The following CFAP299 variants were observed in gnomAD, a reference collection of about 807,000 sequenced individuals.
The protein encoded by CFAP299 is cilia- and flagella-associated protein 299.
Under a neutral mutation model 27.0 loss-of-function variants are expected in CFAP299, and 21 were observed. That is an observed-to-expected ratio of 0.78 (90% CI 0.55 to 1.12). The LOEUF is 1.12. Ranked by LOEUF, CFAP299 falls within the 50% of genes most tolerant of loss-of-function variation. The pLI, the probability that CFAP299 is intolerant of heterozygous loss-of-function variation, is 0.00. For missense variants in CFAP299, 310 were observed against 276.6 expected (o/e 1.12, Z -0.86); for synonymous variants, 104 against 98.1 (o/e 1.06, Z -0.36).
intron 2 of CFAP299, chr4:80,388,468 C>T (rs944712945): frequency 2.8e-6 from 3 of 1,075,054 alleles, no homozygotes; most frequent in Admixed American, 1.8e-5. Flanking sequence ...AGACTGTGTC[C>T]AGGTCGGGGG....
chr4:80,511,817 A>G (rs893138703), intron 2 of CFAP299, among the ~76,000 whole-genome samples: 4 of 152,152 alleles, frequency 2.6e-5, no homozygotes, highest in Non-Finnish European at 5.9e-5. Flanking sequence ...CAAACCAAGC[A>G]TAAAATAACA....
At chr4:80,395,935 G>C (rs1368418166) in intron 2 of CFAP299, among the ~76,000 whole-genome samples, 2 of 152,014 alleles carry the variant, frequency 1.3e-5, no homozygotes, top group Non-Finnish European at 2.9e-5. Flanking sequence ...CCTAAAAAAA[G>C]GTTTATTTTC....
intron 3 of CFAP299, among the ~76,000 whole-genome samples, chr4:80,775,899 A>C (rs1244869483): frequency 6.6e-6 from 1 of 152,182 alleles, no homozygotes; most frequent in Non-Finnish European, 1.5e-5. Context: ...GAACCAACTG[A>C]ATCAACAAAA....
chr4:80,390,362 A>G (rs1725259223), intron 2 of CFAP299, among the ~76,000 whole-genome samples: 1 of 151,740 alleles, frequency 6.6e-6, no homozygotes, highest in African/African-American at 2.4e-5. Context: ...AAGTGAGATC[A>G]AACAGTATTT....
At chr4:80,698,868 C>A (rs1280169963) in intron 3 of CFAP299, among the ~76,000 whole-genome samples, 1 of 152,068 alleles carries the variant, frequency 6.6e-6, no homozygotes, top group Non-Finnish European at 1.5e-5. Context: ...ATGGGGAAAA[C>A]CACCCCTATG....
chr4:80,843,128 C>G (rs1039466203), intron 3 of CFAP299, among the ~76,000 whole-genome samples: 1 of 151,528 alleles, frequency 6.6e-6, no homozygotes, highest in African/African-American at 2.4e-5. Context: ...ATGTGCACAA[C>G]GTGCAGGTTT....
At position 80,643,435 on chromosome 4, in the gene CFAP299, C is replaced by G. The variant is rs564488244; in HGVS notation, c.333+60252C>G. ...CTATAAAGGATTGTGGATAAATGGG[C>G]CAGTGGATCAAGAGGAAATGGGATT... On this transcript the variant is annotated intron_variant, in intron 3 of 5. Coordinates refer to ENST00000358105, the MANE Select transcript of CFAP299 (RefSeq NM_152770.3). Among the ~76,000 whole-genome samples the G allele has an allele frequency of 3.9e-5, 6 of 152,042 alleles. 1 individual carries two copies. Among genetic ancestry groups the G allele is most frequent in the African/African-American group, 1.4e-4 (6 of 41,456 alleles).
intron 3 of CFAP299, among the ~76,000 whole-genome samples, chr4:80,691,669 A>G (rs1237301091): frequency 1.2e-4 from 18 of 150,574 alleles, no homozygotes; most frequent in African/African-American, 4.4e-4. Flanking sequence ...CTCCTATTCA[A>G]CATAGTGTTG....
chr4:80,941,536 AC>A, intron 4 of CFAP299, among the ~76,000 whole-genome samples: 1 of 152,232 alleles, frequency 6.6e-6, no homozygotes, highest in East Asian at 1.9e-4. Flanking sequence ...ATTTTTCTCA[AC>A]TAGCTCAACT....
chr4:80,501,987 TATTA>T (rs1284604014), intron 2 of CFAP299, among the ~76,000 whole-genome samples: 1 of 152,052 alleles, frequency 6.6e-6, no homozygotes, highest in African/African-American at 2.4e-5. Context: ...GGTTGTCTAT[TATTA>T]ATTATTCTTA....
chr4:80,520,355 G>T (rs899141026), intron 2 of CFAP299, among the ~76,000 whole-genome samples: 3 of 152,146 alleles, frequency 2.0e-5, no homozygotes, highest in African/African-American at 7.2e-5. Context: ...AGTTAACTGG[G>T]TCTTGTTCTC....
chr4:80,459,331 C>T (rs1363892566), intron 2 of CFAP299, among the ~76,000 whole-genome samples: 1 of 152,122 alleles, frequency 6.6e-6, no homozygotes, highest in Non-Finnish European at 1.5e-5. Context: ...GCTAGCAGGC[C>T]TCTGCACATG....
intron 3 of CFAP299, among the ~76,000 whole-genome samples, chr4:80,659,726 G>A (rs1198413766): frequency 6.6e-6 from 1 of 151,798 alleles, no homozygotes; most frequent in Non-Finnish European, 1.5e-5. Context: ...AAATAAATTG[G>A]CATAATCTAT....
In CFAP299 at chr4:80,627,964, C is replaced by G. The variant is rs895615655; in HGVS notation, c.333+44781C>G. On this transcript the variant is annotated intron_variant, in intron 3 of 5. Coordinates refer to ENST00000358105, the MANE Select transcript of CFAP299 (RefSeq NM_152770.3). ...CTATCAAAATACCAATAACATTTTT[C>G]ACAGAAATAGAAAAAACAATTCTAA... is the stretch of plus-strand genomic sequence containing the variant. 2.6e-5 allele frequency among the ~76,000 whole-genome samples: 4 copies of G among 152,008 alleles called. No homozygotes were observed. The South Asian group carries it at 8.3e-4, about 31-fold the overall frequency.
At chr4:80,916,636 C>T (rs958339792) in intron 4 of CFAP299, among the ~76,000 whole-genome samples, 1 of 151,912 alleles carries the variant, frequency 6.6e-6, no homozygotes, top group Admixed American at 6.6e-5. Context: ...GGTAATTCTT[C>T]CTTTGGTGCT....
chr4:80,535,244 C>G (rs1733667429), intron 2 of CFAP299, among the ~76,000 whole-genome samples: 1 of 151,982 alleles, frequency 6.6e-6, no homozygotes, highest in African/African-American at 2.4e-5. Flanking sequence ...TTTCAGAGTT[C>G]TTTAGAATGG....
At chr4:80,327,869 G>A in the CFAP299 span, among the ~76,000 whole-genome samples, 4 of 151,250 alleles carry the variant, frequency 2.6e-5, no homozygotes, top group Non-Finnish European at 4.4e-5. Context: ...ACATGTAGAA[G>A]TTTAGCCAAG....
chr4:80,920,946 T>A (rs1229821249), intron 4 of CFAP299, among the ~76,000 whole-genome samples: 1 of 152,164 alleles, frequency 6.6e-6, no homozygotes, highest in African/African-American at 2.4e-5. Flanking sequence ...CATTCCTTCT[T>A]TTAACCTGCC....
intron 3 of CFAP299, among the ~76,000 whole-genome samples, chr4:80,750,891 G>A (rs755254095): frequency 1.2e-4 from 19 of 152,240 alleles, no homozygotes; most frequent in Non-Finnish European, 1.6e-4. Flanking sequence ...AGGAACATGA[G>A]GATTTCTAGG....
Sources: gnomAD v4.1 joint callset for allele counts (sites outside exome capture counted in the v4.1 genomes callset) on GRCh38, gnomAD v4.1.1 for gene constraint, MANE v1.5 for transcripts, NCBI Gene and HGNC (gene_info 2026-07-23, HGNC 2026-07-21) for gene names.